Variants in TENM2 observed in about 807,000 individuals in gnomAD.
TENM2 encodes teneurin-2.
In TENM2, 52 loss-of-function variants were observed where a neutral mutation model predicts 245.2. That is an observed-to-expected ratio of 0.21 (90% confidence interval 0.17 to 0.27). The LOEUF is 0.27. Among genes scored for constraint, TENM2 ranks in the 10% least tolerant of loss-of-function variants. TENM2 has a pLI of 1.00. For synonymous variants in TENM2, 1,363 were observed against 1,438.9 expected (o/e 0.95, Z 1.19); for missense variants, 3,046 against 3,666.8 (o/e 0.83, Z 4.37).
At chr5:167,643,746 C>A (rs1258785911) in intron 2 of TENM2, among the ~76,000 whole-genome samples, 2 of 152,106 alleles carry the variant, frequency 1.3e-5, no homozygotes, top group African/African-American at 4.8e-5. Flanking sequence ...ATTATTCGAA[C>A]CCTAAATGGT....
chr5:167,263,873 G>A, the TENM2 span, among the ~76,000 whole-genome samples: 2 of 152,084 alleles, frequency 1.3e-5, no homozygotes, highest in African/African-American at 4.8e-5. Context: ...GGAGGCTGAG[G>A]TGGGTGGATC....
chr5:167,301,306 CT>C (rs1376977076), intron 1 of TENM2, among the ~76,000 whole-genome samples: 5 of 152,200 alleles, frequency 3.3e-5, no homozygotes, highest in Admixed American at 2.6e-4. Context: ...GAATCCTGGG[CT>C]GCGGGCATTC....
At chr5:167,698,689 T>TG (rs886736398) in intron 2 of TENM2, among the ~76,000 whole-genome samples, 107 of 142,722 alleles carry the variant, frequency 7.5e-4, no homozygotes, top group Middle Eastern at 7.0e-3. Context: ...GTTTTTTTTT[T>TG]TTTTTTTTTT....
chr5:167,954,031 A>G (rs1055030686), intron 4 of TENM2, among the ~76,000 whole-genome samples: 2 of 152,244 alleles, frequency 1.3e-5, no homozygotes, highest in African/African-American at 2.4e-5. Flanking sequence ...AAGCTAATAA[A>G]TATCCTTGAT....
At chr5:166,991,834 A>G in the TENM2 span, among the ~76,000 whole-genome samples, 1 of 152,216 alleles carries the variant, frequency 6.6e-6, no homozygotes, top group East Asian at 1.9e-4. Context: ...TGGAAAACAA[A>G]TGGACCTATT....
the TENM2 span, among the ~76,000 whole-genome samples, chr5:167,059,747 AG>A: frequency 2.8e-5 from 4 of 143,390 alleles, no homozygotes; most frequent in East Asian, 8.1e-4. Flanking sequence ...CTTGTCGCCC[AG>A]GCTGGAGTGC....
intron 2 of TENM2, among the ~76,000 whole-genome samples, chr5:167,394,545 C>T (rs1382210265): frequency 6.6e-6 from 1 of 151,954 alleles, no homozygotes; most frequent in South Asian, 2.1e-4. Context: ...GACACATAGA[C>T]TTATAAATAA....
chr5:167,203,207 A>G, the TENM2 span, among the ~76,000 whole-genome samples: 1 of 151,792 alleles, frequency 6.6e-6, no homozygotes, highest in Non-Finnish European at 1.5e-5. Flanking sequence ...TGCATTTCTG[A>G]TCTTGTCATT....
intron 2 of TENM2, among the ~76,000 whole-genome samples, chr5:167,435,543 TG>T (rs879077339): frequency 6.6e-6 from 1 of 152,208 alleles, no homozygotes; most frequent in South Asian, 2.1e-4. Context: ...TTACCCACTC[TG>T]GGGGTATGTT....
At chr5:167,048,920 A>G in the TENM2 span, among the ~76,000 whole-genome samples, 1 of 152,160 alleles carries the variant, frequency 6.6e-6, no homozygotes, top group Non-Finnish European at 1.5e-5. Context: ...CATTGAAGCT[A>G]TTTAAATTTT....
At chr5:168,238,036 TCAGGAGGCTGAGG>T in intron 25 of TENM2, among the ~76,000 whole-genome samples, 1 of 150,922 alleles carries the variant, frequency 6.6e-6, no homozygotes. Context: ...TCGCAGCTAC[TCAGGAGGCTGAGG>T]CAGGAGAATG....
chr5:168,158,707 C>A (rs1757413283), intron 12 of TENM2, among the ~76,000 whole-genome samples: 1 of 149,554 alleles, frequency 6.7e-6, no homozygotes, highest in South Asian at 2.1e-4. Context: ...GTGCTGTAAT[C>A]CCAGCACTTT....
chr5:168,110,058 T>C (rs1794558085), intron 9 of TENM2, among the ~76,000 whole-genome samples: 1 of 147,396 alleles, frequency 6.8e-6, no homozygotes, highest in Non-Finnish European at 1.5e-5. Context: ...TTTTTTTTTT[T>C]TCCTTTTTAA....
chr5:167,793,902 T>C (rs967843354), intron 2 of TENM2, among the ~76,000 whole-genome samples: 19 of 151,838 alleles, frequency 1.3e-4, no homozygotes, highest in African/African-American at 4.1e-4. Context: ...AAGCATTGTA[T>C]TGCAGCATAG....
chr5:168,099,137 T>C (rs1258744402), intron 9 of TENM2, among the ~76,000 whole-genome samples: 1 of 152,122 alleles, frequency 6.6e-6, no homozygotes, highest in Non-Finnish European at 1.5e-5. Context: ...CTCGAACTCC[T>C]GACCTCAAGT....
At chr5:168,058,343 G>A (rs1384932777) in intron 6 of TENM2, among the ~76,000 whole-genome samples, 1 of 152,298 alleles carries the variant, frequency 6.6e-6, no homozygotes, top group East Asian at 1.9e-4. Context: ...GCAAAGCTTA[G>A]AGAACCTAGA....
chr5:167,574,397 C>T (rs1774499076), intron 2 of TENM2, among the ~76,000 whole-genome samples: 1 of 152,144 alleles, frequency 6.6e-6, no homozygotes, highest in African/African-American at 2.4e-5. Context: ...TAGGAGACAG[C>T]TGCCATTTGA....
intron 1 of TENM2, among the ~76,000 whole-genome samples, chr5:167,345,822 C>CT (rs996826939): frequency 8.9e-5 from 13 of 146,122 alleles, no homozygotes; most frequent in Admixed American, 6.5e-4. Context: ...TGAGAGGACA[C>CT]TTTTTTTTCT....
chr5:167,484,665 AC>A (rs1217612951), intron 2 of TENM2, among the ~76,000 whole-genome samples: 1 of 152,206 alleles, frequency 6.6e-6, no homozygotes, highest in Non-Finnish European at 1.5e-5. Flanking sequence ...ACAACAATGA[AC>A]TACATTAAAA....
Sources: allele counts gnomAD v4.1 joint callset (sites outside exome capture counted in the v4.1 genomes callset), GRCh38; gene constraint gnomAD v4.1.1; transcripts MANE v1.5; gene names NCBI Gene and HGNC (gene_info 2026-07-23, HGNC 2026-07-21).